The following MTERF3 variants were observed in gnomAD, a reference collection of about 807,000 sequenced individuals.
The protein encoded by MTERF3 is mitochondrial transcription termination factor 3, also known as transcription termination factor 3, mitochondrial.
MTERF3 carries 40 observed loss-of-function variants against 40.5 expected under a neutral mutation model. The observed-to-expected ratio is 0.99, with a 90% CI of 0.77 to 1.29. The LOEUF (loss-of-function observed/expected upper bound fraction) is 1.29, where lower values mean the gene tolerates loss of function less well. Among genes scored for constraint, MTERF3 ranks in the 50% most tolerant of loss-of-function variants. The probability of loss-of-function intolerance (pLI) is 0.00; values close to 1 mark genes in which losing one functional copy is unlikely to be tolerated. For missense variants in MTERF3, 452 were observed against 478.2 expected (o/e 0.95, Z 0.51); for synonymous variants, 158 against 166.6 (o/e 0.95, Z 0.40).
At chr8:96,240,330 G>T (rs1809903027) in intron 7 of MTERF3, among the ~76,000 whole-genome samples, 1 of 151,732 alleles carries the variant, frequency 6.6e-6, no homozygotes, top group South Asian at 2.1e-4. Context: ...CCAGAAATCT[G>T]TCTTAACAAG....
chr8:96,258,399 T>A lies in MTERF3; in HGVS notation c.292A>T (p.Thr98Ser), dbSNP rs756380685. 10 of 1,613,902 alleles carry A rather than the reference T, an allele frequency of 6.2e-6. No homozygotes were observed. The highest frequency in any genetic ancestry group is 7.6e-6 in the Non-Finnish European group (9 of 1,179,814). ...GAATCAAAGCTGGATATATTTTGTG[T>A]CTTCTGTGACTGTTCATTCATGGAA... ...LPSMNEQSQK[T>S]QNISSFDSEL... The change falls in exon 2 of 8, where the codon ACA becomes TCA. Residue 98 changes from threonine (T) to serine (S), a missense_variant. Coordinates refer to ENST00000287025, the MANE Select transcript of MTERF3 (RefSeq NM_015942.5).
At chr8:96,256,455 C>T (rs1465789723) in intron 3 of MTERF3, among the ~76,000 whole-genome samples, 1 of 152,142 alleles carries the variant, frequency 6.6e-6, no homozygotes, top group African/African-American at 2.4e-5. Context: ...CAAAACAATT[C>T]ATCAAATGAA....
chr8:96,245,274 A>G (rs960393205), intron 6 of MTERF3, among the ~76,000 whole-genome samples: 1 of 152,198 alleles, frequency 6.6e-6, no homozygotes, highest in African/African-American at 2.4e-5. Flanking sequence ...TATTTCAAAT[A>G]CTACTACAGC....
At chr8:96,253,678 T>TA (rs768056071) in intron 3 of MTERF3, among the ~76,000 whole-genome samples, 4 of 152,060 alleles carry the variant, frequency 2.6e-5, no homozygotes, top group Non-Finnish European at 5.9e-5. Flanking sequence ...CTGAAACATA[T>TA]TCCAAACCTG....
In MTERF3 at chr8:96,250,682, A is replaced by G. The variant is rs1367167938; in HGVS notation, c.677+224T>C. ...AAGAAGAAGAAGAAGAAGAAGAAGAAGGAGGAGGAGGAGGGGGGGAGGGGG... is the reference window on the plus strand; with the variant it reads ...AAGAAGAAGAAGAAGAAGAAGAAGAGGGAGGAGGAGGAGGGGGGGAGGGGG... On this transcript the variant is annotated intron_variant, in intron 4 of 7. Transcript: ENST00000287025. 5.5e-4 allele frequency among the ~76,000 whole-genome samples: 14 copies of G among 25,240 alleles called. 1 individual carries two copies. The highest frequency in any genetic ancestry group is 1.3e-3 in the African/African-American group (7 of 5,508). The allele number at this position is 25,240 out of a possible 152,430, so 16.6% of individuals were successfully genotyped here. A position where few individuals can be genotyped will look rare whatever the true frequency, so the allele number is the denominator to read the frequency against.
intron 3 of MTERF3, among the ~76,000 whole-genome samples, chr8:96,253,636 G>C (rs1475572190): frequency 6.6e-6 from 1 of 152,152 alleles, no homozygotes. Context: ...AAGACATGCT[G>C]TTGAAGTATC....
intron 3 of MTERF3, among the ~76,000 whole-genome samples, chr8:96,255,629 C>A (rs1490935808): frequency 6.8e-6 from 1 of 147,972 alleles, no homozygotes; most frequent in Non-Finnish European, 1.5e-5. Context: ...AGAGTGAGAC[C>A]CAGTCTGAAG....
chr8:96,250,789 A>G (rs1810166760), intron 4 of MTERF3, 117 bp downstream of exon 4: 1 of 986,462 alleles, frequency 1.0e-6, no homozygotes. Flanking sequence ...TATAACAAAA[A>G]AAATTCATGT....
At chr8:96,239,982 C>T (rs552267845) in intron 7 of MTERF3, 14 of 583,292 alleles carry the variant, frequency 2.4e-5, no homozygotes, top group African/African-American at 1.5e-4. Flanking sequence ...AATCTTCGGC[C>T]GGGCGTGGTG....
intron 6 of MTERF3, 106 bp downstream of exon 6, chr8:96,245,749 CTTATT>C (rs1395004055): frequency 1.6e-5 from 14 of 854,208 alleles, no homozygotes; most frequent in Non-Finnish European, 2.2e-5. Context: ...TTAGAAATAA[CTTATT>C]TTAAAGTCTA....
intron 3 of MTERF3, among the ~76,000 whole-genome samples, chr8:96,255,378 C>G (rs915753412): frequency 1.3e-5 from 2 of 152,092 alleles, no homozygotes; most frequent in Admixed American, 1.3e-4. Flanking sequence ...GTGGCTCATG[C>G]CTATAATCTC....
In MTERF3 at chr8:96,257,106, C is replaced by T; in HGVS notation, c.343G>A (p.Glu115Lys). The T allele has an allele frequency of 6.2e-7, 1 of 1,610,138 alleles. No individual in the cohort carries two copies. Among genetic ancestry groups the T allele is most frequent in the African/African-American group, 1.3e-5 (1 of 74,726 alleles). ...TGCATTGGAGACAATGGAGGCAATT[C>T]ATCCAGTTCTTTGAAAGAGAGAAAC... is the stretch of plus-strand genomic sequence containing the variant. ...DSELFLEELDELPPLSPMQPI... is the reference protein window; with the variant it reads ...DSELFLEELDKLPPLSPMQPI... Residue 115 changes from glutamate to lysine, a missense_variant, in exon 3 of 8, where the codon GAA (glutamate) becomes AAA (lysine). Physicochemically the swap from Glu to Lys is moderately conservative, Grantham distance 56. Transcript: ENST00000287025.
At chr8:96,241,791 G>T (rs760143253) in intron 7 of MTERF3, among the ~76,000 whole-genome samples, 3 of 152,150 alleles carry the variant, frequency 2.0e-5, no homozygotes, top group Non-Finnish European at 2.9e-5. Flanking sequence ...CCCCTAGCCT[G>T]AGAATTATTG....
rs949948372 is a variant in MTERF3 at position 96,254,858 on chromosome 8, G to A, written c.487+2104C>T. On this transcript the variant is annotated intron_variant, in intron 3 of 7. Transcript: ENST00000287025. The stretch of plus-strand genomic sequence containing the variant: ...CAGATGAGTATACAATTATAATAGA[G>A]TGTCATTAATGCTAGGATCCAAGTA... Among the ~76,000 whole-genome samples, 6 of 152,330 alleles carry A rather than the reference G, an allele frequency of 3.9e-5. No individual in the cohort carries two copies. In the South Asian group the frequency reaches 1.2e-3, roughly 32 times the overall value.
At position 96,246,405 on chromosome 8, in the gene MTERF3, T is replaced by A. The variant is rs912462956; in HGVS notation, c.727A>T (p.Met243Leu). The change falls in exon 5 of 8, where the codon ATG becomes TTG. Residue 243 changes from methionine to leucine, a missense_variant. Coordinates refer to ENST00000287025, the MANE Select transcript of MTERF3 (RefSeq NM_015942.5). ...AGCAAAAATGGTGCTTTTCTGACCATCTGTGCAACATCTGCTTTACTGAAA... is the reference window on the plus strand; with the variant it reads ...AGCAAAAATGGTGCTTTTCTGACCAACTGTGCAACATCTGCTTTACTGAAA... The part of the protein sequence containing the change: ...KNFSKADVAQ[M>L]VRKAPFLLNF... The A allele has an allele frequency of 6.2e-7, 1 of 1,612,890 alleles. No homozygotes were observed. Among genetic ancestry groups the A allele is most frequent in the Non-Finnish European group, 8.5e-7 (1 of 1,179,770 alleles).
intron 2 of MTERF3, among the ~76,000 whole-genome samples, chr8:96,257,966 T>C (rs895952391): frequency 8.5e-5 from 13 of 152,228 alleles, no homozygotes; most frequent in Non-Finnish European, 1.9e-4. Flanking sequence ...GTTTTATTTG[T>C]TGATTGCAGT....
chr8:96,258,554 T>C lies in MTERF3; in HGVS notation c.137A>G (p.Gln46Arg), dbSNP rs972284546. ...GAGAAAGCAATTGTCAGAGGATATC[T>C]GAGGCTGAGCAGAAAAGCCATGTAA... ...TLLHGFSAQP[Q>R]ISSDNCFLQW... Residue 46 changes from glutamine (Q) to arginine (R), a missense_variant, in exon 2 of 8, where the codon CAG (glutamine) becomes CGG (arginine). Physicochemically the swap from Gln to Arg is conservative, Grantham distance 43. Coordinates refer to ENST00000287025, the MANE Select transcript of MTERF3 (RefSeq NM_015942.5). The C allele has an allele frequency of 6.2e-7, 1 of 1,614,190 alleles. No homozygotes were observed. The highest frequency in any genetic ancestry group is 8.5e-7 in the Non-Finnish European group (1 of 1,180,006).
At chr8:96,251,739 G>A (rs1216582513) in intron 3 of MTERF3, among the ~76,000 whole-genome samples, 2 of 151,854 alleles carry the variant, frequency 1.3e-5, no homozygotes, top group African/African-American at 2.4e-5. Context: ...CTTCTTAATG[G>A]CATCACACAG....
chr8:96,244,198 G>A (rs952067029), intron 6 of MTERF3, 118 bp from the exon 7 acceptor site: 18 of 747,656 alleles, frequency 2.4e-5, no homozygotes, highest in Non-Finnish European at 3.4e-5. Context: ...TGCCCAGGAT[G>A]GAGTGCAGTG....
Sources: allele counts gnomAD v4.1 joint callset (sites outside exome capture counted in the v4.1 genomes callset), GRCh38; gene constraint gnomAD v4.1.1; transcripts MANE v1.5; gene names NCBI Gene and HGNC (gene_info 2026-07-23, HGNC 2026-07-21).